CHODL: variants seen among roughly 807,000 people sequenced by gnomAD.
The protein encoded by CHODL is chondrolectin, also known as transmembrane protein MT75.
A neutral mutation model predicts 34.5 loss-of-function variants in CHODL; 29 were observed. That is an observed-to-expected ratio of 0.84 (90% CI 0.63 to 1.15). The LOEUF is 1.15. CHODL is among the 50% of genes most tolerant of loss of function. The pLI is 0.00. For missense variants in CHODL, 332 were observed against 332.5 expected (o/e 1.00, Z 0.01); for synonymous variants, 125 against 116.1 (o/e 1.08, Z -0.49).
rs182015793 is a variant in CHODL at position 18,088,498 on chromosome 21, T to C, written c.-45+60527T>C. ...TGTGTGCAATCTTTAGGCAACACCA[T>C]GTGTCAGACCCAGTGGGTCAAGGGT... On this transcript the variant is annotated intron_variant, in intron 2 of 6. Transcript: ENST00000400127. 9.2e-5 allele frequency among the ~76,000 whole-genome samples: 14 copies of C among 152,280 alleles called. 1 individual carries two copies. The East Asian group carries it at 2.7e-3, about 29-fold the overall frequency.
intron 1 of CHODL, among the ~76,000 whole-genome samples, chr21:17,968,708 A>G (rs1424828186): frequency 6.6e-6 from 1 of 152,172 alleles, no homozygotes; most frequent in Admixed American, 6.5e-5. Flanking sequence ...ACATTTACCA[A>G]ATGCTAACCA....
intron 2 of CHODL, among the ~76,000 whole-genome samples, chr21:18,095,196 C>T (rs2065124981): frequency 6.6e-6 from 1 of 150,880 alleles, no homozygotes; most frequent in Non-Finnish European, 1.5e-5. Flanking sequence ...GAAAACAATA[C>T]AAAAGATCAA....
At chr21:18,171,928 G>A (rs917120181) in intron 2 of CHODL, among the ~76,000 whole-genome samples, 1 of 152,100 alleles carries the variant, frequency 6.6e-6, no homozygotes, top group Non-Finnish European at 1.5e-5. Flanking sequence ...CTTTAAGAGT[G>A]TTGGTGCATA....
chr21:18,000,876 CTTTT>C (rs921563733), intron 1 of CHODL, among the ~76,000 whole-genome samples: 1 of 151,330 alleles, frequency 6.6e-6, no homozygotes, highest in Non-Finnish European at 1.5e-5. Context: ...TTTTCTTTTT[CTTTT>C]TTTTTCCTGA....
intron 2 of CHODL, among the ~76,000 whole-genome samples, chr21:18,156,360 G>A (rs1472480860): frequency 1.3e-5 from 2 of 152,002 alleles, no homozygotes; most frequent in Non-Finnish European, 2.9e-5. Flanking sequence ...TTGACTTTTG[G>A]AGTCACATTC....
intron 1 of CHODL, among the ~76,000 whole-genome samples, chr21:17,928,180 C>T (rs887809996): frequency 4.6e-5 from 7 of 152,146 alleles, no homozygotes; most frequent in Non-Finnish European, 7.3e-5. Context: ...CTTTGCAAAT[C>T]CCTATGCTAG....
chr21:18,078,238 G>A (rs1164713860), intron 2 of CHODL, among the ~76,000 whole-genome samples: 1 of 152,142 alleles, frequency 6.6e-6, no homozygotes, highest in Non-Finnish European at 1.5e-5. Context: ...GCTGGGGAGG[G>A]CTCACAATCA....
In CHODL at chr21:18,266,067, G is replaced by GT; in HGVS notation, c.*30dup. On this transcript the variant is annotated 3_prime_UTR_variant, in exon 6 of 6. Transcript: ENST00000299295. ...CTCATTGACTTGGTTCCAGAATTTTGTAATTCTGGATCTGTATAAGGAATG... is the reference window on the plus strand; with the variant it reads ...CTCATTGACTTGGTTCCAGAATTTTGTTAATTCTGGATCTGTATAAGGAATG... The GT allele has an allele frequency of 6.2e-7, 1 of 1,613,630 alleles. No individual in the cohort carries two copies. The highest frequency in any genetic ancestry group is 1.1e-5 in the South Asian group (1 of 91,050).
intron 2 of CHODL, among the ~76,000 whole-genome samples, chr21:18,042,175 T>C (rs897683603): frequency 3.9e-5 from 6 of 151,926 alleles, no homozygotes; most frequent in Admixed American, 3.9e-4. Flanking sequence ...TGTTTAAAAA[T>C]TTTTAATTTT....
At chr21:18,261,361 A>C (rs56030723) in intron 4 of CHODL, among the ~76,000 whole-genome samples, 1 of 88,296 alleles carries the variant, frequency 1.1e-5, no homozygotes, top group African/African-American at 6.0e-5. Flanking sequence ...AAAGTATGAT[A>C]AAAAAAAAAA....
At chr21:18,117,340 G>A (rs2065424935) in intron 2 of CHODL, among the ~76,000 whole-genome samples, 1 of 152,176 alleles carries the variant, frequency 6.6e-6, no homozygotes, top group South Asian at 2.1e-4. Flanking sequence ...ACAGTGGTAT[G>A]ACGAGATAAA....
At chr21:18,138,221 G>A (rs1491777) in intron 2 of CHODL, among the ~76,000 whole-genome samples, 26 of 150,002 alleles carry the variant, frequency 1.7e-4, no homozygotes, top group Non-Finnish European at 3.4e-4. Context: ...AATCTTTGTT[G>A]ATTCCATTTA....
At chr21:18,044,392 T>TA (rs1473405883) in intron 2 of CHODL, among the ~76,000 whole-genome samples, 2 of 151,982 alleles carry the variant, frequency 1.3e-5, no homozygotes, top group African/African-American at 4.8e-5. Context: ...AAATAGTGAA[T>TA]AAAAAACACC....
intron 2 of CHODL, among the ~76,000 whole-genome samples, chr21:18,046,980 T>A (rs996403581): frequency 1.3e-5 from 2 of 151,952 alleles, no homozygotes; most frequent in African/African-American, 2.4e-5. Flanking sequence ...GTAATGTCAG[T>A]TTAGGGCTAA....
rs528188106 is a variant in CHODL at position 18,128,829 on chromosome 21, A to G, written c.-45+100858A>G. On this transcript the variant is annotated intron_variant, in intron 2 of 6. Transcript: ENST00000400127. ...TATATTACATATTCATAAAACATTT[A>G]TTTGTAAAATTAATAGTTTCATGTT... 3.3e-5 allele frequency among the ~76,000 whole-genome samples: 5 copies of G among 152,238 alleles called. No homozygotes were observed. The East Asian group carries it at 9.6e-4, about 29-fold the overall frequency.
At chr21:18,096,798 T>C (rs1377941236) in intron 2 of CHODL, among the ~76,000 whole-genome samples, 1 of 152,146 alleles carries the variant, frequency 6.6e-6, no homozygotes, top group Admixed American at 6.6e-5. Context: ...AAGCATGTGA[T>C]CTCTGTGACC....
intron 2 of CHODL, among the ~76,000 whole-genome samples, chr21:18,187,630 G>T (rs971326983): frequency 6.6e-6 from 1 of 152,090 alleles, no homozygotes; most frequent in Non-Finnish European, 1.5e-5. Context: ...GTTGATGGAT[G>T]TTTTCTTATA....
chr21:17,940,033 T>C (rs886259541), intron 1 of CHODL, among the ~76,000 whole-genome samples: 3 of 152,340 alleles, frequency 2.0e-5, no homozygotes, highest in African/African-American at 7.2e-5. Flanking sequence ...ACACTTCTTT[T>C]AGTGTTTGCT....
intron 1 of CHODL, among the ~76,000 whole-genome samples, chr21:17,918,907 G>A (rs1418318248): frequency 1.3e-5 from 2 of 152,202 alleles, no homozygotes; most frequent in Admixed American, 6.5e-5. Context: ...TGACCAAAAC[G>A]AAGGGGCTAC....
Sources: gnomAD v4.1 joint callset for allele counts (sites outside exome capture counted in the v4.1 genomes callset) on GRCh38, gnomAD v4.1.1 for gene constraint, MANE v1.5 for transcripts, NCBI Gene and HGNC (gene_info 2026-07-23, HGNC 2026-07-21) for gene names.